The following SHOX variants were observed in gnomAD, a reference collection of about 807,000 sequenced individuals.
The protein encoded by SHOX is SHOX homeobox, also known as short stature homeobox protein.
SHOX carries 12 observed loss-of-function variants against 29.6 expected under a neutral mutation model. The ratio of observed to expected loss-of-function variants is 0.41; its 90% CI spans 0.26 to 0.66. The LOEUF is 0.66. SHOX is among the 30% of genes least tolerant of loss of function. SHOX has a pLI of 0.35. For missense variants in SHOX, 499 were observed against 437.7 expected (o/e 1.14, Z -1.25); for synonymous variants, 214 against 200.6 (o/e 1.07, Z -0.57).
chrX:624,646 T>TTGCCTTCTTTCCTTTCTTCGTTCCTTCC (rs2052468367), intron 1 of SHOX: 1 of 151,636 alleles, frequency 6.6e-6, no homozygotes, highest in South Asian at 2.1e-4. Context: ...CCAGAAAGCT[T>TTGCCTTCTTTCCTTTCTTCGTTCCTTCC]TGCCTTCTTT....
chrX:630,771 G>A (rs2052632289), upstream of SHOX: 4 of 1,211,418 alleles, frequency 3.3e-6, no homozygotes, highest in Non-Finnish European at 4.8e-6. Context: ...TATAAATAGT[G>A]AGATTTCCAA....
chrX:650,820 C>A lies in SHOX; in HGVS notation c.*6184C>A, dbSNP rs967252849. Among the ~76,000 whole-genome samples the A allele has an allele frequency of 3.0e-3, 205 of 67,562 alleles. No individual in the cohort carries two copies. Among genetic ancestry groups the A allele is most frequent in the East Asian group, 4.1e-3 (10 of 2,454 alleles). The allele number at this position is 67,562 out of a possible 152,430, so 44.3% of individuals were successfully genotyped here. A position where few individuals can be genotyped will look rare whatever the true frequency, so the allele number is the denominator to read the frequency against. ...AAAAAAAAAAAAAAAAAAAAAAAAA[C>A]TGGTGCCTAATTTATTAAAGAGAAT... On this transcript the variant is annotated 3_prime_UTR_variant, in exon 5 of 5. Coordinates refer to ENST00000686671, the MANE Select transcript of SHOX (RefSeq NM_000451.4).
chrX:633,704 G>A (rs1406611608), intron 1 of SHOX, among the ~76,000 whole-genome samples: 2 of 152,050 alleles, frequency 1.3e-5, no homozygotes, highest in Admixed American at 1.3e-4. Flanking sequence ...GGCATCGCGT[G>A]CTTCTCATCT....
intron 1 of SHOX, among the ~76,000 whole-genome samples, chrX:624,855 T>C (rs752202778): frequency 5.6e-4 from 38 of 67,622 alleles, no homozygotes; most frequent in African/African-American, 2.3e-3. Flanking sequence ...CTCTTCCTCT[T>C]TCTTTCTTTT....
intron 2 of SHOX, among the ~76,000 whole-genome samples, chrX:640,475 C>G (rs2052833108): frequency 1.3e-5 from 2 of 152,068 alleles, no homozygotes; most frequent in African/African-American, 4.8e-5. Flanking sequence ...ACTCGGGAGG[C>G]TGAGGCAGGA....
At chrX:625,346 G>A (rs920770528) in intron 1 of SHOX, among the ~76,000 whole-genome samples, 1 of 151,780 alleles carries the variant, frequency 6.6e-6, no homozygotes, top group Non-Finnish European at 1.5e-5. Flanking sequence ...TCTGAAACCT[G>A]ATTCTTTTGG....
chrX:658,868 G>C (rs192269539), exon 6 of SHOX: 2 of 344,744 alleles, frequency 5.8e-6, no homozygotes, highest in Admixed American at 3.0e-5. Context: ...GAGTTCAAGC[G>C]ATTCTCCTGC....
Position 649,822 on chromosome X carries a change from AG to A in SHOX, c.*5189del, listed in dbSNP as rs2053026705. ...CAAAACTTGGCCAAATAGTCCGTGG[AG>A]GGTTGTCAGTCGCCGCAGTTGAGCA... On this transcript the variant is annotated 3_prime_UTR_variant, in exon 5 of 5. Coordinates refer to ENST00000686671, the MANE Select transcript of SHOX (RefSeq NM_000451.4). The A allele has an allele frequency of 2.3e-6, 1 of 443,168 alleles. No individual in the cohort carries two copies. The highest frequency in any genetic ancestry group is 1.6e-5 in the South Asian group (1 of 61,414). The allele number at this position is 443,168 out of a possible 1,614,324, so 27.5% of individuals were successfully genotyped here. A position where few individuals can be genotyped will look rare whatever the true frequency, so the allele number is the denominator to read the frequency against.
chrX:629,348 T>A (rs1333969652), upstream of SHOX, among the ~76,000 whole-genome samples: 38 of 150,362 alleles, frequency 2.5e-4, 1 homozygote, highest in Middle Eastern at 3.4e-3. Flanking sequence ...ACTCTCTTTC[T>A]CTCTGTCTCC....
In SHOX at chrX:644,888, A is replaced by C. The variant is rs191075100; in HGVS notation, c.*252A>C. The stretch of plus-strand genomic sequence containing the variant: ...CCGTGCGTCCAGCCCGGGCCTCTCC[A>C]AGGCTGCCCGTGCGTCCTGGGACCC... On this transcript the variant is annotated 3_prime_UTR_variant, in exon 5 of 5. Coordinates refer to ENST00000686671, the MANE Select transcript of SHOX (RefSeq NM_000451.4). 5,924 of 480,376 alleles carry C rather than the reference A, an allele frequency of 0.012. 233 individuals carry two copies. The highest frequency in any genetic ancestry group is 0.093 in the African/African-American group (4,526 of 48,652). The allele number at this position is 480,376 out of a possible 1,614,324, so 29.8% of individuals were successfully genotyped here. A position where few individuals can be genotyped will look rare whatever the true frequency, so the allele number is the denominator to read the frequency against.
chrX:631,697 A>C (rs2052653322), intron 1 of SHOX, among the ~76,000 whole-genome samples: 1 of 152,078 alleles, frequency 6.6e-6, no homozygotes, highest in Non-Finnish European at 1.5e-5. Context: ...ACGCCTGGCT[A>C]ATTTTTGTGC....
At chrX:644,270 G>A in intron 4 of SHOX, 121 bp from the exon 5 acceptor site, 1 of 1,279,620 alleles carries the variant, frequency 7.8e-7, no homozygotes, top group Non-Finnish European at 1.0e-6. Context: ...CTCCACGGCT[G>A]GAGAAGGGGC....
intron 2 of SHOX, among the ~76,000 whole-genome samples, chrX:636,158 T>C (rs1033833501): frequency 1.4e-5 from 2 of 147,876 alleles, no homozygotes; most frequent in Non-Finnish European, 3.0e-5. Context: ...TATAAATATA[T>C]AAACATACAT....
chrX:641,939 CT>C (rs1259622731), intron 4 of SHOX, among the ~76,000 whole-genome samples: 1 of 152,178 alleles, frequency 6.6e-6, no homozygotes, highest in Non-Finnish European at 1.5e-5. Flanking sequence ...TGCCTGGCCC[CT>C]GGCCCCTGGC....
chrX:641,542 A>G (rs1349196170), intron 4 of SHOX, among the ~76,000 whole-genome samples: 1 of 152,024 alleles, frequency 6.6e-6, no homozygotes, highest in Non-Finnish European at 1.5e-5. Context: ...CACAAAGCTT[A>G]GCCGGGCGTG....
Position 636,542 on chromosome X carries a change from TA to T in SHOX, c.486+1721del, listed in dbSNP as rs1179379073. Among the ~76,000 whole-genome samples, 2 of 17,398 alleles carry T rather than the reference TA, an allele frequency of 1.1e-4. 1 individual carries two copies. Among genetic ancestry groups the T allele is most frequent in the Non-Finnish European group, 1.6e-4 (2 of 12,336 alleles). The allele number at this position is 17,398 out of a possible 152,430, so 11.4% of individuals were successfully genotyped here. Reference sequence around the variant, plus strand: ...ATATATATAAACATATATATACATATAAAAATATATATAAACATATATACAT... The same window carrying T: ...ATATATATAAACATATATATACATATAAAATATATATAAACATATATACAT... On this transcript the variant is annotated intron_variant, in intron 2 of 4. Transcript: ENST00000686671.
At position 625,241 on chromosome X, in the gene SHOX, C is replaced by T. The variant is rs947798875; in HGVS notation, c.-433+639C>T. On this transcript the variant is annotated intron_variant, in intron 1 of 5. Coordinates refer to the SHOX transcript ENST00000334060. Reference sequence around the variant, plus strand: ...CTCCTCCTTCTCCCTCCTCCTCCTCCTTCTACTCCTTTTCCTCCTCTTCCC... The same window carrying T: ...CTCCTCCTTCTCCCTCCTCCTCCTCTTTCTACTCCTTTTCCTCCTCTTCCC... Among the ~76,000 whole-genome samples, 65 of 146,712 alleles carry T rather than the reference C, an allele frequency of 4.4e-4. 2 individuals are homozygous for T. The highest frequency in any genetic ancestry group is 1.6e-3 in the African/African-American group (62 of 39,538).
chrX:644,594 G>C lies in SHOX; in HGVS notation c.837G>C (p.Leu279=), dbSNP rs1308586589. 1.3e-5 allele frequency: 20 copies of C among 1,511,584 alleles called. No homozygotes were observed. Among genetic ancestry groups the C allele is most frequent in the South Asian group, 1.1e-4 (9 of 81,598 alleles). 93.6% of individuals were successfully genotyped at this position (1,511,584 alleles called of 1,614,324 possible). A position where few individuals can be genotyped will look rare whatever the true frequency, so the allele number is the denominator to read the frequency against. Residue 279 remains leucine, a synonymous_variant, in exon 5 of 5, where the codon CTG becomes CTC. Coordinates refer to ENST00000686671, the MANE Select transcript of SHOX (RefSeq NM_000451.4). The stretch of plus-strand genomic sequence containing the variant: ...GCAAGAATTCCAGCATCGCCGACCT[G>C]CGGCTCAAGGCGCGGAAGCACGCGG... The part of the protein sequence containing the change: ...SNSKNSSIAD[L]RLKARKHAEA...
chrX:630,117 G>T (rs1351992200), upstream of SHOX, among the ~76,000 whole-genome samples: 5 of 152,216 alleles, frequency 3.3e-5, no homozygotes, highest in African/African-American at 1.2e-4. Context: ...GGCGGCCCCG[G>T]GGATCCTCGG....
Sources: allele counts gnomAD v4.1 joint callset (sites outside exome capture counted in the v4.1 genomes callset), GRCh38; gene constraint gnomAD v4.1.1; transcripts MANE v1.5; gene names NCBI Gene and HGNC (gene_info 2026-07-23, HGNC 2026-07-21).